SYT1: variants seen among roughly 807,000 people sequenced by gnomAD.
The protein encoded by SYT1 is synaptotagmin 1, also known as synaptotagmin-1.
SYT1 carries 8 observed loss-of-function variants against 44.8 expected under a neutral mutation model. The observed-to-expected ratio is 0.18, with a 90% CI of 0.10 to 0.32. The LOEUF (loss-of-function observed/expected upper bound fraction) is 0.32, where lower values mean the gene tolerates loss of function less well. SYT1 is among the 10% of genes least tolerant of loss of function. The pLI is 1.00. For synonymous variants in SYT1, 154 were observed against 188.8 expected, an observed-to-expected ratio of 0.82 and a Z score of 1.51; for missense variants, 286 against 509.3, an observed-to-expected ratio of 0.56 and a Z score of 4.22.
At chr12:79,141,646 A>G (rs557860999) in intron 3 of SYT1, among the ~76,000 whole-genome samples, 4 of 152,344 alleles carry the variant, frequency 2.6e-5, no homozygotes, top group East Asian at 1.9e-4. Context: ...GATAAAAAAT[A>G]TCTAGATTAG....
chr12:79,081,277 C>T (rs902611294), intron 3 of SYT1, among the ~76,000 whole-genome samples: 3 of 151,906 alleles, frequency 2.0e-5, no homozygotes, highest in South Asian at 4.1e-4. Context: ...TACCTATGAA[C>T]GTTTTAACGC....
intron 3 of SYT1, among the ~76,000 whole-genome samples, chr12:79,133,908 G>T (rs1427925130): frequency 6.6e-6 from 1 of 152,298 alleles, no homozygotes; most frequent in East Asian, 1.9e-4. Flanking sequence ...TGAGGAGAAA[G>T]GCCTAGATAG....
At chr12:79,289,606 A>C (rs1879475732) in intron 5 of SYT1, among the ~76,000 whole-genome samples, 2 of 152,330 alleles carry the variant, frequency 1.3e-5, no homozygotes, top group South Asian at 2.1e-4. Flanking sequence ...ATTGGGCTGA[A>C]ACATGATACA....
At chr12:78,876,898 T>TATACGTATTATATATAATACGTATA (rs1565697964) in intron 1 of SYT1, among the ~76,000 whole-genome samples, 48 of 17,112 alleles carry the variant, frequency 2.8e-3, no homozygotes, top group East Asian at 5.9e-3. Context: ...TAATATATAT[T>TATACGTATTATATATAATACGTATA]ATATATTATA....
At chr12:79,069,308 C>T (rs1876101792) in intron 3 of SYT1, among the ~76,000 whole-genome samples, 2 of 152,072 alleles carry the variant, frequency 1.3e-5, no homozygotes, top group African/African-American at 4.8e-5. Flanking sequence ...TAATCAGAAA[C>T]ATATTTTATG....
At chr12:79,108,638 G>A (rs1878845837) in intron 3 of SYT1, among the ~76,000 whole-genome samples, 1 of 151,654 alleles carries the variant, frequency 6.6e-6, no homozygotes, top group East Asian at 1.9e-4. Flanking sequence ...ATACATTTGT[G>A]GATTTTAAAA....
chr12:79,096,427 AC>A (rs1362887154), intron 3 of SYT1, among the ~76,000 whole-genome samples: 1 of 151,952 alleles, frequency 6.6e-6, no homozygotes, highest in East Asian at 1.9e-4. Context: ...GGAACAATAT[AC>A]CAGCTAGCAG....
chr12:78,931,185 AAGAAAGAAAGAAAGAAAGAAAG>A (rs1877627003), intron 1 of SYT1, among the ~76,000 whole-genome samples: 2 of 21,620 alleles, frequency 9.3e-5, no homozygotes, highest in African/African-American at 3.7e-4. Context: ...AAGAAAAAGA[AAGAAAGAAAGAAAGAAAGAAAG>A]AAAGAAAGAA....
intron 3 of SYT1, among the ~76,000 whole-genome samples, chr12:79,157,707 T>A (rs1469382824): frequency 6.6e-6 from 1 of 152,156 alleles, no homozygotes; most frequent in Non-Finnish European, 1.5e-5. Flanking sequence ...GCTTTATAAT[T>A]GGAAAGGCAA....
chr12:79,190,674 A>C (rs968665709), intron 3 of SYT1, among the ~76,000 whole-genome samples: 17 of 152,278 alleles, frequency 1.1e-4, no homozygotes, highest in African/African-American at 3.8e-4. Flanking sequence ...TATGCCCTTC[A>C]TTTGAGAAGC....
chr12:79,126,981 A>G (rs1868484087), intron 3 of SYT1, among the ~76,000 whole-genome samples: 1 of 152,236 alleles, frequency 6.6e-6, no homozygotes, highest in African/African-American at 2.4e-5. Flanking sequence ...ATGTAGGACC[A>G]TAGCCCACCA....
At chr12:79,334,196 C>T (rs1350203513) in intron 8 of SYT1, among the ~76,000 whole-genome samples, 2 of 152,012 alleles carry the variant, frequency 1.3e-5, no homozygotes, top group Non-Finnish European at 2.9e-5. Flanking sequence ...CCAAACTTTT[C>T]TTACTGAGGT....
chr12:79,051,434 T>C (rs962399546), intron 3 of SYT1, among the ~76,000 whole-genome samples: 1 of 150,522 alleles, frequency 6.6e-6, no homozygotes, highest in African/African-American at 2.4e-5. Context: ...AAGAGAGAGG[T>C]AATCTGAGTC....
chr12:79,151,180 T>G (rs1026687006), intron 3 of SYT1, among the ~76,000 whole-genome samples: 2 of 152,134 alleles, frequency 1.3e-5, no homozygotes, highest in African/African-American at 4.8e-5. Context: ...AAATTGGGCA[T>G]GTCAGAGGTG....
intron 1 of SYT1, among the ~76,000 whole-genome samples, chr12:78,945,216 T>G (rs532135631): frequency 6.6e-6 from 1 of 152,276 alleles, no homozygotes; most frequent in East Asian, 1.9e-4. Flanking sequence ...ATTATTTCAT[T>G]TTTACAAATT....
At chr12:79,084,591 T>G (rs1404600564) in intron 3 of SYT1, among the ~76,000 whole-genome samples, 1 of 152,144 alleles carries the variant, frequency 6.6e-6, no homozygotes, top group Non-Finnish European at 1.5e-5. Flanking sequence ...TATGACAGCT[T>G]AAAAACATTT....
At chr12:79,360,089 CAT>C (rs1450991478) in intron 9 of SYT1, among the ~76,000 whole-genome samples, 1 of 152,110 alleles carries the variant, frequency 6.6e-6, no homozygotes. Context: ...CACACATACC[CAT>C]GTTATTTTTA....
chr12:79,354,213 A>C lies in SYT1; in HGVS notation c.928+594A>C, dbSNP rs574996257. On this transcript the variant is annotated intron_variant, in intron 9 of 10. Coordinates refer to ENST00000261205, the MANE Select transcript of SYT1 (RefSeq NM_005639.3). ...AACCTTAGTAAAACGTGGTGGATAAAGTATACCCTGGCTCAAAAGCAAAGT... is the reference window on the plus strand; with the variant it reads ...AACCTTAGTAAAACGTGGTGGATAACGTATACCCTGGCTCAAAAGCAAAGT... 8.5e-5 allele frequency among the ~76,000 whole-genome samples: 13 copies of C among 152,316 alleles called. No homozygotes were observed. The South Asian group carries it at 2.7e-3, about 32-fold the overall frequency.
At chr12:79,180,038 A>T (rs1872425404) in intron 3 of SYT1, among the ~76,000 whole-genome samples, 1 of 151,954 alleles carries the variant, frequency 6.6e-6, no homozygotes, top group African/African-American at 2.4e-5. Context: ...ATGTTATTTT[A>T]TATTCTTCAA....
Sources: allele counts gnomAD v4.1 joint callset (sites outside exome capture counted in the v4.1 genomes callset), GRCh38; gene constraint gnomAD v4.1.1; transcripts MANE v1.5; gene names NCBI Gene and HGNC (gene_info 2026-07-23, HGNC 2026-07-21).